Variants in ERBB4 observed in about 807,000 individuals in gnomAD.
ERBB4 encodes the protein receptor tyrosine-protein kinase erbB-4.
A neutral mutation model predicts 158.0 loss-of-function variants in ERBB4; 42 were observed. That is an observed-to-expected ratio of 0.27 (90% CI 0.21 to 0.34). The LOEUF is 0.34. Among genes scored for constraint, ERBB4 ranks in the 10% least tolerant of loss-of-function variants. ERBB4 has a pLI of 1.00. For missense variants in ERBB4, 1,333 were observed against 1,624.1 expected (o/e 0.82, Z 3.08); for synonymous variants, 583 against 558.7 (o/e 1.04, Z -0.61).
intron 2 of ERBB4, among the ~76,000 whole-genome samples, chr2:211,950,695 A>G (rs910150730): frequency 3.3e-5 from 5 of 152,132 alleles, no homozygotes; most frequent in Admixed American, 1.3e-4. Flanking sequence ...CTGGCATCAA[A>G]TTGGGAACTC....
chr2:212,390,079 G>A (rs2106434766), intron 1 of ERBB4, among the ~76,000 whole-genome samples: 1 of 151,956 alleles, frequency 6.6e-6, no homozygotes, highest in East Asian at 1.9e-4. Context: ...GCTGGAAAGA[G>A]AAATGTGTTA....
chr2:211,841,308 A>G (rs1384655825), intron 3 of ERBB4, among the ~76,000 whole-genome samples: 3 of 152,088 alleles, frequency 2.0e-5, no homozygotes, highest in East Asian at 1.9e-4. Context: ...TTTTGATACT[A>G]ACAGCTATTG....
rs191693578 is a variant in ERBB4, at chr2:211,797,245, A to G, written c.422-9086T>C. Among the ~76,000 whole-genome samples the G allele has an allele frequency of 7.2e-3, 1,099 of 152,020 alleles. 16 individuals are homozygous for G. The highest frequency in any genetic ancestry group is 0.025 in the African/African-American group (1,053 of 41,536). ...CAGTAGAACAAATCAGTAGAGTTCA[A>G]TGTTTTCATTACCAATAAGGGGACG... is the stretch of plus-strand genomic sequence containing the variant. On this transcript the variant is annotated intron_variant, in intron 3 of 27. Transcript: ENST00000342788.
At chr2:212,073,484 G>C (rs1447276125) in intron 2 of ERBB4, among the ~76,000 whole-genome samples, 2 of 151,906 alleles carry the variant, frequency 1.3e-5, no homozygotes, top group Non-Finnish European at 2.9e-5. Context: ...ACACCATTGT[G>C]GCCAGAACAA....
chr2:211,881,608 G>T (rs968018581), intron 3 of ERBB4, among the ~76,000 whole-genome samples: 1 of 137,056 alleles, frequency 7.3e-6, no homozygotes, highest in African/African-American at 2.6e-5. Flanking sequence ...GGGTCGGGGG[G>T]GCTGAGATTT....
rs142035727 is a variant in ERBB4, at chr2:211,606,816, C to A, written c.2301+12361G>T. Among the ~76,000 whole-genome samples the A allele has an allele frequency of 1.2e-3, 183 of 152,244 alleles. 1 individual carries two copies. In the East Asian group the frequency reaches 0.025, roughly 21 times the overall value. On this transcript the variant is annotated intron_variant, in intron 19 of 27. Coordinates refer to ENST00000342788, the MANE Select transcript of ERBB4 (RefSeq NM_005235.3). ...AGCACATTCATTAAGTAAGTGAATG[C>A]TGCACATTTTGAAATAAATTTATTT... is the stretch of plus-strand genomic sequence containing the variant.
At position 211,633,937 on chromosome 2, in the gene ERBB4, T is replaced by C. The variant is rs563703881; in HGVS notation, c.1947-3343A>G. 3.3e-4 allele frequency among the ~76,000 whole-genome samples: 50 copies of C among 152,158 alleles called. 1 individual carries two copies. The highest frequency in any genetic ancestry group is 6.8e-4 in the Non-Finnish European group (46 of 68,030). ...ACCTTGGGAGGCCAAGGCAGGTGGA[T>C]TGCCTGAAGTCAGGAGTTCTAGACC... On this transcript the variant is annotated intron_variant, in intron 16 of 27. Transcript: ENST00000342788.
At chr2:212,321,712 A>G (rs2087575292) in intron 1 of ERBB4, among the ~76,000 whole-genome samples, 1 of 150,476 alleles carries the variant, frequency 6.6e-6, no homozygotes, top group East Asian at 2.0e-4. Flanking sequence ...AAGAAAATAA[A>G]TAAAACCACA....
chr2:211,522,350 T>G (rs2066209891), intron 20 of ERBB4, among the ~76,000 whole-genome samples: 1 of 152,134 alleles, frequency 6.6e-6, no homozygotes, highest in African/African-American at 2.4e-5. Context: ...GCAAGATAAC[T>G]ACAATTAGAG....
intron 16 of ERBB4, among the ~76,000 whole-genome samples, chr2:211,635,197 TACGATCA>T: frequency 6.6e-6 from 1 of 152,320 alleles, no homozygotes; most frequent in Admixed American, 6.5e-5. Flanking sequence ...ACTAAAAGGA[TACGATCA>T]ATTGATAGTT....
chr2:211,549,594 A>T (rs989421361), intron 20 of ERBB4, among the ~76,000 whole-genome samples: 2 of 151,964 alleles, frequency 1.3e-5, no homozygotes, highest in African/African-American at 4.8e-5. Context: ...CACCCTAGTC[A>T]CCCCAGTCTA....
intron 3 of ERBB4, among the ~76,000 whole-genome samples, chr2:211,913,600 CAA>C (rs57968077): frequency 0.17 from 23,578 of 135,062 alleles, 2,078 homozygotes; most frequent in African/African-American, 0.24. Context: ...GACTCTATTT[CAA>C]AAAAATATAT....
intron 3 of ERBB4, among the ~76,000 whole-genome samples, chr2:211,862,238 G>A (rs983562): frequency 0.21 from 32,606 of 151,830 alleles, 3,665 homozygotes; most frequent in South Asian, 0.33. Flanking sequence ...CATATTTATC[G>A]GCTAAAGGGA....
intron 2 of ERBB4, among the ~76,000 whole-genome samples, chr2:212,004,781 T>G (rs564063928): frequency 6.6e-6 from 1 of 152,062 alleles, no homozygotes; most frequent in African/African-American, 2.4e-5. Flanking sequence ...AATATTTGAT[T>G]TATATTATAA....
At chr2:211,728,597 C>T (rs1342676285) in intron 5 of ERBB4, among the ~76,000 whole-genome samples, 3 of 151,668 alleles carry the variant, frequency 2.0e-5, no homozygotes, top group African/African-American at 4.8e-5. Context: ...CATCAACAGT[C>T]GCTAATTAAA....
chr2:212,421,263 G>A (rs1022369296), intron 1 of ERBB4, among the ~76,000 whole-genome samples: 1 of 151,968 alleles, frequency 6.6e-6, no homozygotes, highest in Admixed American at 6.6e-5. Flanking sequence ...CTTTTCTAGA[G>A]ATTTTGCTTA....
intron 3 of ERBB4, among the ~76,000 whole-genome samples, chr2:211,879,700 G>C (rs1164928674): frequency 6.6e-6 from 1 of 152,120 alleles, no homozygotes; most frequent in African/African-American, 2.4e-5. Flanking sequence ...GAACAGTGTA[G>C]TAGTCATACT....
In ERBB4 at chr2:211,969,763, T is replaced by C. The variant is rs369931692; in HGVS notation, c.235-22147A>G. Among the ~76,000 whole-genome samples the C allele has an allele frequency of 8.5e-4, 129 of 152,150 alleles. 3 individuals are homozygous for C. The South Asian group carries it at 0.024, about 28-fold the overall frequency. ...TAATATTCCCATTGTCATTTTTTAC[T>C]GTGTTTATTTGAATTTTCTCTTTTT... On this transcript the variant is annotated intron_variant, in intron 2 of 27. Coordinates refer to ENST00000342788, the MANE Select transcript of ERBB4 (RefSeq NM_005235.3).
At chr2:211,926,736 C>A (rs2080030173) in intron 3 of ERBB4, among the ~76,000 whole-genome samples, 1 of 152,128 alleles carries the variant, frequency 6.6e-6, no homozygotes, top group African/African-American at 2.4e-5. Context: ...TTTCTCCAAA[C>A]CCAATCCAGC....
Sources: allele counts gnomAD v4.1 joint callset (sites outside exome capture counted in the v4.1 genomes callset), GRCh38; gene constraint gnomAD v4.1.1; transcripts MANE v1.5; gene names NCBI Gene and HGNC (gene_info 2026-07-23, HGNC 2026-07-21).